Variants in ACAP1 observed in about 807,000 individuals in gnomAD.
The protein encoded by ACAP1 is ArfGAP with coiled-coil, ankyrin repeat and PH domains 1.
In ACAP1, 45 loss-of-function variants were observed where a neutral mutation model predicts 98.8. The ratio of observed to expected loss-of-function variants is 0.46; its 90% CI spans 0.36 to 0.58. ACAP1 has a LOEUF of 0.58. Ranked by LOEUF, ACAP1 falls within the 20% of genes least tolerant of loss-of-function variation. ACAP1 has a pLI of 0.00. For synonymous variants in ACAP1, 362 were observed against 375.3 expected, an observed-to-expected ratio of 0.96 and a Z score of 0.41; for missense variants, 735 against 971.4, an observed-to-expected ratio of 0.76 and a Z score of 3.24.
At chr17:7,336,910 T>C (rs2073225926) in intron 1 of ACAP1, 123 bp downstream of exon 1, 1 of 1,073,900 alleles carries the variant, frequency 9.3e-7, no homozygotes, top group East Asian at 2.5e-5. Flanking sequence ...GGAGCGAGCC[T>C]GTGGGCCAAA....
In ACAP1 at chr17:7,337,648, G is replaced by C. The variant is rs146656648; in HGVS notation, c.111+279G>C. Among the ~76,000 whole-genome samples, 679 of 152,234 alleles carry C rather than the reference G, an allele frequency of 4.5e-3. 6 individuals are homozygous for C. The highest frequency in any genetic ancestry group is 0.016 in the African/African-American group (648 of 41,538). ...GTGAATGGATCACCTGAGGTCAGGAGTTCTAGACCAGCCTGGCTAACATGG... is the reference window on the plus strand; with the variant it reads ...GTGAATGGATCACCTGAGGTCAGGACTTCTAGACCAGCCTGGCTAACATGG... On this transcript the variant is annotated intron_variant, in intron 2 of 21. Coordinates refer to ENST00000158762, the MANE Select transcript of ACAP1 (RefSeq NM_014716.4).
At chr17:7,349,809 T>G in intron 18 of ACAP1, 136 bp from the exon 19 acceptor site, 1 of 691,506 alleles carries the variant, frequency 1.4e-6, no homozygotes. Context: ...TGGTTACAGT[T>G]AGCTGTAACC....
intron 1 of ACAP1, 21 bp downstream of exon 1, chr17:7,336,808 G>C: frequency 6.2e-7 from 1 of 1,613,572 alleles, no homozygotes; most frequent in Non-Finnish European, 8.5e-7. Context: ...ACTGGTCTGG[G>C]GGGCTAAGGA....
Position 7,344,600 on chromosome 17 carries a change from A to G in ACAP1, c.806A>G (p.Glu269Gly). ...GAGGGGCCTGGTGGCCTGGTGATGG[A>G]AGGACATCTCTTCAAACGGGCCAGC... ...LREGPGGLVMEGHLFKRASNA... is the reference protein window; with the variant it reads ...LREGPGGLVMGGHLFKRASNA... The change falls in exon 10 of 22, where the codon GAA becomes GGA. Residue 269 changes from glutamate (E) to glycine (G), a missense_variant. This residue lies in a region of ACAP1 where 430 missense variants were observed against 531.8 expected (regional missense o/e 0.81). Coordinates refer to ENST00000158762, the MANE Select transcript of ACAP1 (RefSeq NM_014716.4). The surrounding 1 kb of genome is among the most constrained non-coding windows in gnomAD (Gnocchi z 4.9). 1 of 1,551,472 alleles carries G rather than the reference A, an allele frequency of 6.4e-7. No individual in the cohort carries two copies. Among genetic ancestry groups the G allele is most frequent in the African/African-American group, 1.4e-5 (1 of 73,078 alleles).
intron 12 of ACAP1, 121 bp downstream of exon 12, chr17:7,346,612 G>A (rs574790091): frequency 3.6e-5 from 43 of 1,187,428 alleles, no homozygotes; most frequent in South Asian, 1.8e-4. Flanking sequence ...ATTCTTTGGC[G>A]GCTGGACTGG....
chr17:7,343,208 C>A lies in ACAP1; in HGVS notation c.345-171C>A. On this transcript the variant is annotated intron_variant, in intron 5 of 21. Transcript: ENST00000158762. The surrounding 1 kb of genome is among the most constrained non-coding windows in gnomAD (Gnocchi z 4.9). ...ATGGCCACAGGAGCCTCCCCAGTGACGGAGTTGTGAGATTGGGGGTTTCTG... is the reference window on the plus strand; with the variant it reads ...ATGGCCACAGGAGCCTCCCCAGTGAAGGAGTTGTGAGATTGGGGGTTTCTG... 1.6e-6 allele frequency: 1 copy of A among 615,466 alleles called. No homozygotes were observed. Among genetic ancestry groups the A allele is most frequent in the Non-Finnish European group, 2.7e-6 (1 of 369,140 alleles). The allele number at this position is 615,466 out of a possible 1,614,324, so 38.1% of individuals were successfully genotyped here. A position where few individuals can be genotyped will look rare whatever the true frequency, so the allele number is the denominator to read the frequency against.
Position 7,344,275 on chromosome 17 carries a change from G to T in ACAP1, c.744+152G>T. The T allele has an allele frequency of 1.1e-6, 1 of 938,366 alleles. No homozygotes were observed. Among genetic ancestry groups the T allele is most frequent in the Non-Finnish European group, 1.6e-6 (1 of 616,868 alleles). The allele number at this position is 938,366 out of a possible 1,614,324, so 58.1% of individuals were successfully genotyped here. ...GAAAATTTTAAAATTAGCTGGTGTGGTGGCATGCACCTCTAGTTCTAGCTA... is the reference window on the plus strand; with the variant it reads ...GAAAATTTTAAAATTAGCTGGTGTGTTGGCATGCACCTCTAGTTCTAGCTA... On this transcript the variant is annotated intron_variant, in intron 9 of 21. Coordinates refer to ENST00000158762, the MANE Select transcript of ACAP1 (RefSeq NM_014716.4). This position sits in a 1 kb window ranked among gnomAD's most constrained non-coding sequence, Gnocchi z 4.9.
At chr17:7,348,530 C>T in intron 17 of ACAP1, 55 bp downstream of exon 17, 2 of 1,436,146 alleles carry the variant, frequency 1.4e-6, no homozygotes, top group Non-Finnish European at 1.8e-6. Context: ...GGCATCGTGC[C>T]AGGTAGCGCC....
chr17:7,349,639 T>C (rs1050495771), intron 18 of ACAP1: 1 of 338,662 alleles, frequency 3.0e-6, no homozygotes, highest in African/African-American at 2.1e-5. Flanking sequence ...CCTCCCAAAG[T>C]GCTGGGATTA....
Position 7,336,628 on chromosome 17 carries a change from C to G in ACAP1, c.-107C>G, listed in dbSNP as rs2073221703. On this transcript the variant is annotated 5_prime_UTR_variant, in exon 1 of 22. Coordinates refer to ENST00000158762, the MANE Select transcript of ACAP1 (RefSeq NM_014716.4). ...CAGGCCCTTCCCCGCGGAGGTCCCTCTCCTCCTTCCCCCTCATCTCCCCTT... is the reference window on the plus strand; with the variant it reads ...CAGGCCCTTCCCCGCGGAGGTCCCTGTCCTCCTTCCCCCTCATCTCCCCTT... The G allele has an allele frequency of 8.1e-7, 1 of 1,231,354 alleles. No individual in the cohort carries two copies. Among genetic ancestry groups the G allele is most frequent in the Admixed American group, 1.7e-5 (1 of 58,622 alleles). 76.3% of individuals were successfully genotyped at this position (1,231,354 alleles called of 1,614,324 possible).
intron 1 of ACAP1, 105 bp downstream of exon 1, chr17:7,336,892 A>G: frequency 7.7e-7 from 1 of 1,298,366 alleles, no homozygotes; most frequent in Non-Finnish European, 1.1e-6. Flanking sequence ...GCAGGCCTCT[A>G]AGAGGCAGGA....
intron 14 of ACAP1, 38 bp from the exon 15 acceptor site, chr17:7,347,884 C>A (rs745396018): frequency 4.4e-6 from 7 of 1,584,528 alleles, no homozygotes; most frequent in African/African-American, 1.3e-5. Flanking sequence ...CCACTGCCCC[C>A]CTGCACAGGG....
rs2073322363 is a variant in ACAP1, at chr17:7,343,963, C to T, written c.669+7C>T. 6.3e-7 allele frequency: 1 copy of T among 1,582,314 alleles called. No individual in the cohort carries two copies. The highest frequency in any genetic ancestry group is 8.6e-7 in the Non-Finnish European group (1 of 1,163,590). On this transcript the variant is annotated splice_region_variant and intron_variant, in intron 8 of 21. Transcript: ENST00000158762. This position sits in a 1 kb window ranked among gnomAD's most constrained non-coding sequence, Gnocchi z 4.9. ...AAAGGAGCTGGGCGCCCAGGTGGGGCCCCAGGGCACAGCAGGTGGTAGAGG... is the reference window on the plus strand; with the variant it reads ...AAAGGAGCTGGGCGCCCAGGTGGGGTCCCAGGGCACAGCAGGTGGTAGAGG...
chr17:7,338,163 T>A (rs764683481), intron 2 of ACAP1, among the ~76,000 whole-genome samples: 1 of 152,202 alleles, frequency 6.6e-6, no homozygotes, highest in African/African-American at 2.4e-5. Flanking sequence ...TAGTTCTCTA[T>A]TGCTGTGTAA....
rs754824750 is a variant in ACAP1, at chr17:7,346,918, G to A, written c.1118G>A (p.Arg373Gln). 7.4e-6 allele frequency: 12 copies of A among 1,612,022 alleles called. No individual in the cohort carries two copies. The highest frequency in any genetic ancestry group is 5.5e-5 in the South Asian group (5 of 91,008). Residue 373 changes from arginine (R) to glutamine (Q), a missense_variant, in exon 13 of 22, where the codon CGG (arginine) becomes CAG (glutamine). Arg to Gln is a conservative substitution (Grantham distance 43). Around this residue, in one of 5 missense-constraint regions of ACAP1, gnomAD observed 430 missense variants for 531.8 expected, o/e 0.81. Transcript: ENST00000158762. ...CAGGCTCGCCTTGATGACAGCCCCCGGGGTCCAGGCCAGGTACCTTAACCT... is the reference window on the plus strand; with the variant it reads ...CAGGCTCGCCTTGATGACAGCCCCCAGGGTCCAGGCCAGGTACCTTAACCT... ...FSQARLDDSPRGPGQGSGHLA... is the reference protein window; with the variant it reads ...FSQARLDDSPQGPGQGSGHLA...
chr17:7,339,837 T>G (rs189298197), intron 2 of ACAP1, among the ~76,000 whole-genome samples: 1 of 152,162 alleles, frequency 6.6e-6, no homozygotes, highest in Non-Finnish European at 1.5e-5. Context: ...CTTCCCACAC[T>G]TCTTTAATCT....
intron 2 of ACAP1, among the ~76,000 whole-genome samples, chr17:7,338,253 T>C (rs1182869073): frequency 6.6e-6 from 1 of 151,870 alleles, no homozygotes; most frequent in Non-Finnish European, 1.5e-5. Context: ...AATAATTTTA[T>C]TTTTATTTTT....
intron 13 of ACAP1, 36 bp from the exon 14 acceptor site, chr17:7,346,995 C>A: frequency 6.4e-7 from 1 of 1,574,110 alleles, no homozygotes. Context: ...TTACCCTAGG[C>A]CCCTTGGCCA....
chr17:7,339,065 C>T (rs985798637), intron 2 of ACAP1, among the ~76,000 whole-genome samples: 3 of 143,686 alleles, frequency 2.1e-5, no homozygotes, highest in Non-Finnish European at 4.6e-5. Context: ...CCAAGGTGGG[C>T]GGATCACGAG....
Sources: gnomAD v4.1 joint callset for allele counts (sites outside exome capture counted in the v4.1 genomes callset) on GRCh38, gnomAD v4.1.1 for gene constraint, gnomAD v4.1.1 regional missense constraint, Gnocchi (gnomAD v3.1) non-coding constraint, MANE v1.5 for transcripts, NCBI Gene and HGNC (gene_info 2026-07-23, HGNC 2026-07-21) for gene names.